The following RIMS2 variants were observed in gnomAD, a reference collection of about 807,000 sequenced individuals.
RIMS2 encodes regulating synaptic membrane exocytosis protein 2.
In RIMS2, 59 loss-of-function variants were observed where a neutral mutation model predicts 174.4. That is an observed-to-expected ratio of 0.34 (90% confidence interval 0.27 to 0.42). The LOEUF (loss-of-function observed/expected upper bound fraction) is 0.42. RIMS2 is among the 10% of genes least tolerant of loss of function. The probability of loss-of-function intolerance (pLI) is 1.00; values close to 1 mark genes in which losing one functional copy is unlikely to be tolerated. For missense variants in RIMS2, 1,620 were observed against 1,666.3 expected (o/e 0.97, Z 0.48); for synonymous variants, 606 against 572.5 (o/e 1.06, Z -0.84).
chr8:103,832,692 A>T (rs570554800), intron 3 of RIMS2, among the ~76,000 whole-genome samples: 1 of 152,298 alleles, frequency 6.6e-6, no homozygotes, highest in Non-Finnish European at 1.5e-5. Context: ...CAGCTCATAC[A>T]TGTCCCTGCA....
intron 1 of RIMS2, among the ~76,000 whole-genome samples, chr8:103,618,359 T>C (rs1292598779): frequency 6.6e-6 from 1 of 152,044 alleles, no homozygotes; most frequent in East Asian, 1.9e-4. Flanking sequence ...GCAGAAAAGA[T>C]AGCTATTACA....
At chr8:104,113,301 C>T (rs768428143) in intron 19 of RIMS2, among the ~76,000 whole-genome samples, 21 of 152,170 alleles carry the variant, frequency 1.4e-4, no homozygotes, top group Non-Finnish European at 2.9e-4. Flanking sequence ...TAACGCTATA[C>T]GATATCACTA....
At chr8:103,779,737 A>C (rs116720684) in intron 3 of RIMS2, among the ~76,000 whole-genome samples, 16,504 of 123,266 alleles carry the variant, frequency 0.13, 1,101 homozygotes, top group Middle Eastern at 0.3. Context: ...GGAGCACCAC[A>C]CACTAGGGCC....
intron 3 of RIMS2, among the ~76,000 whole-genome samples, chr8:103,774,010 C>T (rs2098282482): frequency 6.6e-6 from 1 of 151,942 alleles, no homozygotes; most frequent in South Asian, 2.1e-4. Context: ...GACGCAGTGG[C>T]ACATGCCTGT....
At chr8:104,138,827 G>C (rs1165573046) in intron 19 of RIMS2, among the ~76,000 whole-genome samples, 1 of 152,062 alleles carries the variant, frequency 6.6e-6, no homozygotes, top group East Asian at 1.9e-4. Flanking sequence ...GGTATTACTC[G>C]AGAAATCTTT....
At chr8:104,249,366 T>C in intron 21 of RIMS2, 121 bp from the exon 28 acceptor site, 2 of 559,716 alleles carry the variant, frequency 3.6e-6, no homozygotes, top group Non-Finnish European at 3.2e-6. Flanking sequence ...ATTTTAAGTA[T>C]ATTTGAATTT....
At chr8:103,986,039 G>A (rs187027897) in intron 16 of RIMS2, among the ~76,000 whole-genome samples, 1 of 152,078 alleles carries the variant, frequency 6.6e-6, no homozygotes, top group South Asian at 2.1e-4. Context: ...GTATATAATG[G>A]CAACTATAGT....
At chr8:103,991,111 G>A (rs984626522) in intron 17 of RIMS2, among the ~76,000 whole-genome samples, 3 of 151,634 alleles carry the variant, frequency 2.0e-5, no homozygotes, top group Non-Finnish European at 3.0e-5. Flanking sequence ...CCCAATTTAT[G>A]TCTGCAACTG....
chr8:103,862,632 T>C (rs77267758), intron 3 of RIMS2, among the ~76,000 whole-genome samples: 1 of 152,182 alleles, frequency 6.6e-6, no homozygotes, highest in Non-Finnish European at 1.5e-5. Context: ...GTTGATGTCA[T>C]CTATGATATC....
chr8:103,743,250 A>C (rs922475118), intron 2 of RIMS2, among the ~76,000 whole-genome samples: 18 of 152,206 alleles, frequency 1.2e-4, no homozygotes, highest in African/African-American at 2.9e-4. Flanking sequence ...TATAACAGGA[A>C]TCAGCCATAT....
intron 19 of RIMS2, among the ~76,000 whole-genome samples, chr8:104,093,918 CTT>C (rs921768273): frequency 4.0e-5 from 6 of 151,758 alleles, no homozygotes; most frequent in African/African-American, 9.7e-5. Context: ...ATTAAGACCT[CTT>C]ATATCTTTAT....
At chr8:103,802,796 C>T (rs1209463533) in intron 3 of RIMS2, among the ~76,000 whole-genome samples, 2 of 152,130 alleles carry the variant, frequency 1.3e-5, no homozygotes, top group Non-Finnish European at 2.9e-5. Flanking sequence ...TTGTTTATTA[C>T]TGAAGTTTAA....
At chr8:104,132,232 T>C (rs956109977) in intron 19 of RIMS2, among the ~76,000 whole-genome samples, 7 of 152,200 alleles carry the variant, frequency 4.6e-5, no homozygotes, top group African/African-American at 1.7e-4. Flanking sequence ...AGCTTATTAA[T>C]CATTATTTTA....
At chr8:103,549,917 C>G (rs1374700996) in intron 1 of RIMS2, among the ~76,000 whole-genome samples, 1 of 151,808 alleles carries the variant, frequency 6.6e-6, no homozygotes, top group East Asian at 1.9e-4. Context: ...ACAAGAAGAG[C>G]TAACTATCCT....
intron 4 of RIMS2, among the ~76,000 whole-genome samples, chr8:103,909,130 A>G (rs116578504): frequency 2.4e-3 from 371 of 152,254 alleles, no homozygotes; most frequent in African/African-American, 8.5e-3. Flanking sequence ...ATTTTTCTAT[A>G]TGACACTGAT....
Position 103,834,726 on chromosome 8 carries a change from TTCTTTCTTTCTTTCTTTC to T in RIMS2, c.699-50568_699-50551del, listed in dbSNP as rs1429301134. Among the ~76,000 whole-genome samples, 265 of 100,840 alleles carry T rather than the reference TTCTTTCTTTCTTTCTTTC, an allele frequency of 2.6e-3. 2 individuals carry two copies. Among genetic ancestry groups the T allele is most frequent in the African/African-American group, 0.01 (253 of 24,886 alleles). 66.2% of individuals were successfully genotyped at this position (100,840 alleles called of 152,430 possible). ...TTTCTTTCTTTCTTTCTTTCTTTCT[TTCTTTCTTTCTTTCTTTC>T]TCTCTCTTTCTTTTTCTCTCTCTCT... On this transcript the variant is annotated intron_variant, in intron 3 of 23. Transcript: ENST00000504942.
At chr8:103,708,773 G>GT (rs977515411) in intron 2 of RIMS2, among the ~76,000 whole-genome samples, 58 of 152,070 alleles carry the variant, frequency 3.8e-4, no homozygotes, top group South Asian at 1.2e-3. Context: ...CAATTAAATT[G>GT]TTTTTTTGGT....
intron 2 of RIMS2, among the ~76,000 whole-genome samples, chr8:103,746,092 A>T (rs559279248): frequency 1.3e-5 from 2 of 152,330 alleles, no homozygotes; most frequent in South Asian, 4.1e-4. Flanking sequence ...TCTTACATTG[A>T]GGTCTTTGAT....
intron 19 of RIMS2, among the ~76,000 whole-genome samples, chr8:104,100,971 T>C (rs1323515706): frequency 7.2e-6 from 1 of 138,008 alleles, no homozygotes; most frequent in Non-Finnish European, 1.5e-5. Flanking sequence ...TATTATATAG[T>C]ATATATGATA....
Sources: gnomAD v4.1 joint callset for allele counts (sites outside exome capture counted in the v4.1 genomes callset) on GRCh38, gnomAD v4.1.1 for gene constraint, MANE v1.5 for transcripts, NCBI Gene and HGNC (gene_info 2026-07-23, HGNC 2026-07-21) for gene names.